The following TUSC3 variants were observed in gnomAD, a reference collection of about 807,000 sequenced individuals.
The protein encoded by TUSC3 is dolichyl-diphosphooligosaccharide--protein glycosyltransferase subunit TUSC3.
TUSC3 carries 45 observed loss-of-function variants against 44.8 expected under a neutral mutation model. That is an observed-to-expected ratio of 1.00 (90% CI 0.79 to 1.29). TUSC3 has a LOEUF of 1.29. Among genes scored for constraint, TUSC3 ranks in the 50% most tolerant of loss-of-function variants. The probability of loss-of-function intolerance (pLI) is 0.00; values close to 1 mark genes in which losing one functional copy is unlikely to be tolerated. For synonymous variants in TUSC3, 212 were observed against 152.9 expected (o/e 1.39, Z -2.85); for missense variants, 519 against 437.9 (o/e 1.19, Z -1.65).
the TUSC3 span, among the ~76,000 whole-genome samples, chr8:15,839,254 T>A: frequency 6.6e-6 from 1 of 152,164 alleles, no homozygotes; most frequent in Non-Finnish European, 1.5e-5. Flanking sequence ...TAAGGAGATT[T>A]TGGGCTGAGA....
intron 10 of TUSC3, among the ~76,000 whole-genome samples, chr8:15,761,028 G>A (rs1006907312): frequency 6.6e-6 from 1 of 152,116 alleles, no homozygotes; most frequent in Non-Finnish European, 1.5e-5. Flanking sequence ...ATGACTTTCA[G>A]TCATTTCATT....
chr8:15,641,497 A>G (rs922592866), intron 2 of TUSC3, among the ~76,000 whole-genome samples: 3 of 152,226 alleles, frequency 2.0e-5, no homozygotes, highest in Non-Finnish European at 4.4e-5. Context: ...AGGGGAAGAC[A>G]CTAGAAGTAA....
chr8:15,539,957 G>C (rs973722431), upstream of TUSC3, among the ~76,000 whole-genome samples: 1 of 152,136 alleles, frequency 6.6e-6, no homozygotes. Context: ...GCTGGGGACC[G>C]CAGGGGCCAG....
At position 15,429,073 on chromosome 8, in the gene TUSC3, G is replaced by T. The variant is rs191187912; in HGVS notation, n.91+11768G>T. 7.4e-3 allele frequency among the ~76,000 whole-genome samples: 1,120 copies of T among 152,184 alleles called. 18 individuals carry two copies. Among genetic ancestry groups the T allele is most frequent in the African/African-American group, 0.026 (1,062 of 41,540 alleles). On this transcript the variant is annotated intron_variant and non_coding_transcript_variant, in intron 1 of 5. Coordinates refer to the TUSC3 transcript ENST00000503191. The stretch of plus-strand genomic sequence containing the variant: ...CCTATGTCCTGAATGGTAATGCCTA[G>T]GTTTTCTTCTAGGGTTTTTATGGCT...
chr8:15,668,810 C>T (rs1036894110), intron 5 of TUSC3, among the ~76,000 whole-genome samples: 2 of 151,686 alleles, frequency 1.3e-5, no homozygotes, highest in African/African-American at 2.4e-5. Flanking sequence ...TCAAAAAGAA[C>T]CATTTATGAT....
At chr8:15,802,607 T>G in the TUSC3 span, among the ~76,000 whole-genome samples, 1 of 151,966 alleles carries the variant, frequency 6.6e-6, no homozygotes, top group East Asian at 1.9e-4. Flanking sequence ...ATCCTCATTT[T>G]TCCTCAAGAG....
At chr8:15,435,128 T>C (rs28607178) in intron 1 of TUSC3, among the ~76,000 whole-genome samples, 6,719 of 141,994 alleles carry the variant, frequency 0.047, 384 homozygotes, top group African/African-American at 0.13. Context: ...TCCACAATGG[T>C]TGAACTAGTT....
At chr8:15,465,390 C>A (rs536304054) in intron 1 of TUSC3, among the ~76,000 whole-genome samples, 2 of 152,130 alleles carry the variant, frequency 1.3e-5, no homozygotes, top group Non-Finnish European at 2.9e-5. Flanking sequence ...GAACCACCAG[C>A]AGATTTGTAT....
chr8:15,529,821 C>G (rs1320766470), intron 2 of TUSC3, among the ~76,000 whole-genome samples: 1 of 110,366 alleles, frequency 9.1e-6, no homozygotes, highest in Non-Finnish European at 1.7e-5. Flanking sequence ...GACGGAGTCT[C>G]GCTCTGTTGC....
At chr8:15,581,409 T>G (rs1487327232) in intron 1 of TUSC3, among the ~76,000 whole-genome samples, 7 of 149,820 alleles carry the variant, frequency 4.7e-5, no homozygotes, top group Non-Finnish European at 7.4e-5. Flanking sequence ...TTTTAGAGTT[T>G]CCAGTTTTTC....
upstream of TUSC3, among the ~76,000 whole-genome samples, chr8:15,536,545 G>C (rs1183492851): frequency 6.6e-6 from 1 of 151,648 alleles, no homozygotes; most frequent in Non-Finnish European, 1.5e-5. Flanking sequence ...AGCCGGGCGT[G>C]GTGGCGGGTG....
In TUSC3 at chr8:15,448,792, G is replaced by C. The variant is rs372425294; in HGVS notation, n.91+31487G>C. Among the ~76,000 whole-genome samples, 7 of 152,012 alleles carry C rather than the reference G, an allele frequency of 4.6e-5. No individual in the cohort carries two copies. The East Asian group carries it at 1.4e-3, about 29-fold the overall frequency. On this transcript the variant is annotated intron_variant and non_coding_transcript_variant, in intron 1 of 5. Transcript: ENST00000503191. Reference sequence around the variant, plus strand: ...AAAGAGTACTGCTAAAATAGGTATGGGACACAGCTTTCCATACAGTTATGC... The same window carrying C: ...AAAGAGTACTGCTAAAATAGGTATGCGACACAGCTTTCCATACAGTTATGC...
intron 1 of TUSC3, among the ~76,000 whole-genome samples, chr8:15,572,087 T>G (rs1802900398): frequency 6.6e-6 from 1 of 152,154 alleles, no homozygotes; most frequent in Admixed American, 6.5e-5. Flanking sequence ...TACCAAGAGA[T>G]TCAGCCTGTC....
At chr8:15,840,388 A>T in the TUSC3 span, among the ~76,000 whole-genome samples, 1 of 152,008 alleles carries the variant, frequency 6.6e-6, no homozygotes, top group Admixed American at 6.6e-5. Context: ...TAAAAAAATA[A>T]ATCAATAAAT....
At chr8:15,525,876 C>T (rs1225429010) in intron 2 of TUSC3, among the ~76,000 whole-genome samples, 1 of 152,048 alleles carries the variant, frequency 6.6e-6, no homozygotes, top group African/African-American at 2.4e-5. Flanking sequence ...AAAGTAGTCA[C>T]AAAGTACGTA....
intron 1 of TUSC3, among the ~76,000 whole-genome samples, chr8:15,589,630 T>G (rs1803739998): frequency 6.6e-6 from 1 of 152,198 alleles, no homozygotes; most frequent in Admixed American, 6.5e-5. Flanking sequence ...GCTAATGCTA[T>G]TATAACCTAT....
chr8:15,432,663 T>C (rs1309859327), intron 1 of TUSC3, among the ~76,000 whole-genome samples: 1 of 152,140 alleles, frequency 6.6e-6, no homozygotes, highest in Non-Finnish European at 1.5e-5. Flanking sequence ...GACTGCTCTG[T>C]AGTGCTATGG....
chr8:15,560,481 C>G (rs1478653087), intron 1 of TUSC3, among the ~76,000 whole-genome samples: 1 of 150,912 alleles, frequency 6.6e-6, no homozygotes, highest in Non-Finnish European at 1.5e-5. Flanking sequence ...CATTATGTGT[C>G]TTGGAGTTGC....
intron 10 of TUSC3, among the ~76,000 whole-genome samples, chr8:15,761,444 G>T (rs1324587573): frequency 6.6e-6 from 1 of 152,182 alleles, no homozygotes; most frequent in Non-Finnish European, 1.5e-5. Context: ...GGGCACATTT[G>T]TGCTAGTCCT....
Sources: allele counts gnomAD v4.1 joint callset (sites outside exome capture counted in the v4.1 genomes callset), GRCh38; gene constraint gnomAD v4.1.1; transcripts MANE v1.5; gene names NCBI Gene and HGNC (gene_info 2026-07-23, HGNC 2026-07-21).